Variants in COL19A1 observed in about 807,000 individuals in gnomAD.
The protein encoded by COL19A1 is collagen alpha-1(XIX) chain.
A neutral mutation model predicts 190.2 loss-of-function variants in COL19A1; 159 were observed. The ratio of observed to expected loss-of-function variants is 0.84; its 90% CI spans 0.73 to 0.95. COL19A1 has a LOEUF of 0.95. Among genes scored for constraint, COL19A1 ranks in the 40% least tolerant of loss-of-function variants. The pLI, the probability that COL19A1 is intolerant of heterozygous loss-of-function variation, is 0.00. For missense variants in COL19A1, 1,418 were observed against 1,431.9 expected, an observed-to-expected ratio of 0.99 and a Z score of 0.16; for synonymous variants, 509 against 458.9, an observed-to-expected ratio of 1.11 and a Z score of -1.39.
intron 12 of COL19A1, among the ~76,000 whole-genome samples, chr6:70,030,106 T>A (rs1778968317): frequency 6.6e-6 from 1 of 152,146 alleles, no homozygotes; most frequent in South Asian, 2.1e-4. Flanking sequence ...GGGAAATGCT[T>A]TTGTCATACC....
chr6:70,163,518 G>T, intron 36 of COL19A1, 122 bp downstream of exon 36: 1 of 843,574 alleles, frequency 1.2e-6, no homozygotes, highest in Non-Finnish European at 1.9e-6. Flanking sequence ...ATGGTAGAAA[G>T]TACCTATTCT....
chr6:70,113,251 T>TTATCTTTTG (rs1430694487), intron 16 of COL19A1, among the ~76,000 whole-genome samples: 1 of 152,234 alleles, frequency 6.6e-6, no homozygotes, highest in Admixed American at 6.5e-5. Flanking sequence ...TAAACTGTTA[T>TTATCTTTTG]TATCTTTTGT....
At chr6:70,184,773 T>A in intron 45 of COL19A1, 35 bp downstream of exon 45, 4 of 1,601,780 alleles carry the variant, frequency 2.5e-6, no homozygotes, top group Non-Finnish European at 3.4e-6. Flanking sequence ...AAAGTTATAA[T>A]GCATACTGCA....
chr6:70,097,197 C>G (rs867366021), intron 15 of COL19A1, among the ~76,000 whole-genome samples: 9 of 151,992 alleles, frequency 5.9e-5, no homozygotes, highest in Non-Finnish European at 1.3e-4. Context: ...TGCAAGTCAT[C>G]CTGGAAGCAT....
chr6:70,113,390 T>C (rs1418034942), intron 16 of COL19A1, among the ~76,000 whole-genome samples: 1 of 152,190 alleles, frequency 6.6e-6, no homozygotes, highest in African/African-American at 2.4e-5. Context: ...GGCACTATTG[T>C]AGTCTTAAGT....
At chr6:69,921,460 T>G (rs1331714790) in intron 4 of COL19A1, among the ~76,000 whole-genome samples, 1 of 14,336 alleles carries the variant, frequency 7.0e-5, no homozygotes, top group Non-Finnish European at 1.2e-4. Flanking sequence ...ATCATATATA[T>G]CATATATATT....
chr6:70,212,285 T>C lies in COL19A1; in HGVS notation c.*5011T>C, dbSNP rs1192426657. On this transcript the variant is annotated 3_prime_UTR_variant, in exon 51 of 51. Transcript: ENST00000620364. ...TTTCCCCCATTTTGTTTGTTCTCTA[T>C]CTTACCTCATCAAACTCTTTACGAT... 1.3e-5 allele frequency among the ~76,000 whole-genome samples: 2 copies of C among 152,304 alleles called. No individual in the cohort carries two copies. The highest frequency in any genetic ancestry group is 1.9e-4 in the East Asian group (1 of 5,188).
chr6:70,180,087 C>G (rs747816098), intron 42 of COL19A1, among the ~76,000 whole-genome samples: 5 of 152,032 alleles, frequency 3.3e-5, no homozygotes, highest in Non-Finnish European at 7.4e-5. Context: ...GGTTTCGCCA[C>G]GTTGGCCAGG....
At chr6:70,013,675 C>T (rs1167900244) in intron 11 of COL19A1, among the ~76,000 whole-genome samples, 1 of 11,088 alleles carries the variant, frequency 9.0e-5, no homozygotes, top group Non-Finnish European at 1.3e-4. Flanking sequence ...GAAGTTGAAT[C>T]TCTGAATCGA....
At chr6:69,962,560 T>C (rs143821980) in intron 10 of COL19A1, among the ~76,000 whole-genome samples, 1,789 of 152,326 alleles carry the variant, frequency 0.012, 13 homozygotes, top group Non-Finnish European at 0.019. Context: ...ATCATACTTA[T>C]TTTATACCTG....
intron 11 of COL19A1, among the ~76,000 whole-genome samples, chr6:70,008,747 C>G (rs1777792777): frequency 6.6e-6 from 1 of 151,874 alleles, no homozygotes; most frequent in South Asian, 2.1e-4. Flanking sequence ...AGGCCAATAT[C>G]TCTCATAAAG....
intron 17 of COL19A1, among the ~76,000 whole-genome samples, chr6:70,123,754 A>G (rs2150214476): frequency 6.7e-6 from 1 of 148,506 alleles, no homozygotes; most frequent in East Asian, 2.0e-4. Flanking sequence ...TGGGAATTGA[A>G]CAATGAGAAC....
intron 2 of COL19A1, among the ~76,000 whole-genome samples, chr6:69,888,940 G>T (rs996019118): frequency 1.3e-5 from 2 of 152,064 alleles, no homozygotes; most frequent in Non-Finnish European, 2.9e-5. Flanking sequence ...AGATGTATTG[G>T]CAAAGTAGGA....
At chr6:70,035,846 T>C in intron 13 of COL19A1, 58 bp from the exon 14 acceptor site, 1 of 1,429,102 alleles carries the variant, frequency 7.0e-7, no homozygotes, top group Non-Finnish European at 9.8e-7. Context: ...TAGAAATTTA[T>C]AAATAATGTG....
intron 15 of COL19A1, among the ~76,000 whole-genome samples, chr6:70,085,073 A>G (rs1782500271): frequency 6.6e-6 from 1 of 152,208 alleles, no homozygotes; most frequent in South Asian, 2.1e-4. Context: ...ATCACATGCT[A>G]GGTATTCAAT....
chr6:70,121,096 G>A (rs1262186583), intron 16 of COL19A1, among the ~76,000 whole-genome samples: 1 of 152,156 alleles, frequency 6.6e-6, no homozygotes, highest in Admixed American at 6.5e-5. Context: ...TGGATGAAAT[G>A]TGCAATCTCT....
intron 4 of COL19A1, among the ~76,000 whole-genome samples, chr6:69,906,804 T>C (rs1256374447): frequency 6.6e-6 from 1 of 152,212 alleles, no homozygotes; most frequent in Non-Finnish European, 1.5e-5. Flanking sequence ...CATAGCTTTA[T>C]GTGAAAATAA....
At chr6:69,915,329 T>G (rs1194190400) in intron 4 of COL19A1, among the ~76,000 whole-genome samples, 1 of 152,214 alleles carries the variant, frequency 6.6e-6, no homozygotes, top group Non-Finnish European at 1.5e-5. Context: ...TCAATAAATA[T>G]GAGCATGTAC....
chr6:69,955,203 T>C (rs1582513077), intron 9 of COL19A1, among the ~76,000 whole-genome samples: 1 of 152,148 alleles, frequency 6.6e-6, no homozygotes. Flanking sequence ...CACAGTTACA[T>C]AGGAGCCCAG....
Sources: allele counts gnomAD v4.1 joint callset (sites outside exome capture counted in the v4.1 genomes callset), GRCh38; gene constraint gnomAD v4.1.1; transcripts MANE v1.5; gene names NCBI Gene and HGNC (gene_info 2026-07-23, HGNC 2026-07-21).